P2RX7: variants seen among roughly 807,000 people sequenced by gnomAD.
The protein encoded by P2RX7 is purinergic receptor P2X 7, also known as P2X purinoceptor 7.
A neutral mutation model predicts 71.6 loss-of-function variants in P2RX7; 62 were observed. The ratio of observed to expected loss-of-function variants is 0.87; its 90% CI spans 0.71 to 1.07. P2RX7 has a LOEUF of 1.07. Among genes scored for constraint, P2RX7 ranks in the 50% least tolerant of loss-of-function variants. The probability of loss-of-function intolerance (pLI) is 0.00; values close to 1 mark genes in which losing one functional copy is unlikely to be tolerated. For synonymous variants in P2RX7, 299 were observed against 283.3 expected (o/e 1.06, Z -0.56); for missense variants, 686 against 748.5 (o/e 0.92, Z 0.97).
intron 2 of P2RX7, chr12:121,155,312 A>G: frequency 1.5e-6 from 2 of 1,309,886 alleles, no homozygotes; most frequent in Non-Finnish European, 2.0e-6. Context: ...ACCAAAGAGC[A>G]CCAGCCCTTC....
In P2RX7 at chr12:121,149,964, T is replaced by C. The variant is rs975063615; in HGVS notation, c.126-4821T>C. ...GCGGCTTTGCCTTCTACAGAATGCA[T>C]AACATTATAGCCTCTTAGAGCAAAA... is the stretch of plus-strand genomic sequence containing the variant. On this transcript the variant is annotated intron_variant, in intron 1 of 12. Transcript: ENST00000328963. The surrounding 1 kb of genome is among the most constrained non-coding windows in gnomAD (Gnocchi z 4.7). 3.9e-5 allele frequency among the ~76,000 whole-genome samples: 6 copies of C among 152,160 alleles called. No homozygotes were observed. Among genetic ancestry groups the C allele is most frequent in the African/African-American group, 7.2e-5 (3 of 41,448 alleles).
chr12:121,162,195 C>A (rs1879863167), intron 4 of P2RX7: 1 of 1,302,812 alleles, frequency 7.7e-7, no homozygotes. Flanking sequence ...CCAGCAGAAT[C>A]CACAGTCTTT....
rs1883321330 is a variant in P2RX7 at position 121,177,327 on chromosome 12, A to G, written c.1069A>G (p.Thr357Ala). The G allele has an allele frequency of 6.2e-7, 1 of 1,614,072 alleles. No individual in the cohort carries two copies. Among genetic ancestry groups the G allele is most frequent in the East Asian group, 2.2e-5 (1 of 44,878 alleles). ...TGTGTTCATCGACTTCCTCATCGAC[A>G]CTTACTCCAGTAACTGCTGTCGCTC... ...AAVFIDFLID[T>A]YSSNCCRSHI... Residue 357 changes from threonine (T) to alanine (A), a missense_variant, in exon 11 of 13, where the codon ACT becomes GCT. Thr to Ala is a moderately conservative substitution (Grantham distance 58). Coordinates refer to ENST00000328963, the MANE Select transcript of P2RX7 (RefSeq NM_002562.6).
At chr12:121,146,907 C>A (rs1305217374) in intron 1 of P2RX7, among the ~76,000 whole-genome samples, 1 of 152,078 alleles carries the variant, frequency 6.6e-6, no homozygotes, top group African/African-American at 2.4e-5. Context: ...CTAGCCAGAG[C>A]AATTAGGCAA....
At chr12:121,169,324 T>C (rs573458815) in intron 8 of P2RX7, among the ~76,000 whole-genome samples, 125 of 152,264 alleles carry the variant, frequency 8.2e-4, no homozygotes, top group Non-Finnish European at 1.5e-3. Context: ...TCTATTATTG[T>C]TCCAGTGAGT....
rs1367008195 is a variant in P2RX7, at chr12:121,161,118, G to A, written c.436+144G>A. The stretch of plus-strand genomic sequence containing the variant: ...CCAAGCCATAGGCGAGTCTGCCCAT[G>A]CTTCGGCTCTGTCCCCAGCAGACCA... On this transcript the variant is annotated intron_variant, in intron 4 of 12. Coordinates refer to ENST00000328963, the MANE Select transcript of P2RX7 (RefSeq NM_002562.6). 4.7e-5 allele frequency: 34 copies of A among 725,286 alleles called. No homozygotes were observed. In the East Asian group the frequency reaches 8.2e-4, roughly 18 times the overall value. 44.9% of individuals were successfully genotyped at this position (725,286 alleles called of 1,614,324 possible). A position where few individuals can be genotyped will look rare whatever the true frequency, so the allele number is the denominator to read the frequency against.
At chr12:121,145,186 G>A (rs1875868885) in intron 1 of P2RX7, among the ~76,000 whole-genome samples, 1 of 152,174 alleles carries the variant, frequency 6.6e-6, no homozygotes, top group African/African-American at 2.4e-5. Context: ...AGGCGTGGGA[G>A]CGCAGAAGTC....
At chr12:121,170,436 A>T (rs1881948992) in intron 8 of P2RX7, among the ~76,000 whole-genome samples, 1 of 152,184 alleles carries the variant, frequency 6.6e-6, no homozygotes, top group Admixed American at 6.5e-5. Context: ...GTGGTAGAGC[A>T]TTTGTTGTCT....
intron 1 of P2RX7, among the ~76,000 whole-genome samples, chr12:121,138,632 A>C (rs1039844682): frequency 6.6e-6 from 1 of 152,280 alleles, no homozygotes; most frequent in Admixed American, 6.5e-5. Flanking sequence ...GGGTAGGCAG[A>C]CAAAAATCGG....
intron 1 of P2RX7, among the ~76,000 whole-genome samples, chr12:121,144,002 CCCAGT>C (rs1338237096): frequency 6.6e-6 from 1 of 152,136 alleles, no homozygotes; most frequent in Non-Finnish European, 1.5e-5. Flanking sequence ...ATTTCATCAG[CCCAGT>C]AAGAGCCCTC....
chr12:121,133,187 C>A, intron 1 of P2RX7, 92 bp downstream of exon 1: 1 of 1,448,994 alleles, frequency 6.9e-7, no homozygotes, highest in Non-Finnish European at 9.6e-7. Context: ...TTCTGAATCT[C>A]ACATGGTTTT....
At chr12:121,182,668 G>C (rs969718040) in intron 12 of P2RX7, among the ~76,000 whole-genome samples, 1 of 152,212 alleles carries the variant, frequency 6.6e-6, no homozygotes, top group African/African-American at 2.4e-5. Flanking sequence ...AGGACTGAAA[G>C]TTGCTCTGGG....
At chr12:121,161,691 C>A (rs1031285617) in intron 4 of P2RX7, among the ~76,000 whole-genome samples, 9 of 150,082 alleles carry the variant, frequency 6.0e-5, no homozygotes, top group African/African-American at 2.0e-4. Flanking sequence ...ACTTGGGAGG[C>A]TGAGACGTGA....
At position 121,152,622 on chromosome 12, in the gene P2RX7, C is replaced by T. The variant is rs562550523; in HGVS notation, c.126-2163C>T. On this transcript the variant is annotated intron_variant, in intron 1 of 12. Coordinates refer to ENST00000328963, the MANE Select transcript of P2RX7 (RefSeq NM_002562.6). ...ACAACCTCCATCTCCCAGGTTCAAGCGATTCTCCTGCCTCAGCCTCCCGAA... is the reference window on the plus strand; with the variant it reads ...ACAACCTCCATCTCCCAGGTTCAAGTGATTCTCCTGCCTCAGCCTCCCGAA... Among the ~76,000 whole-genome samples, 8 of 152,212 alleles carry T rather than the reference C, an allele frequency of 5.3e-5. No homozygotes were observed. The South Asian group carries it at 1.0e-3, about 20-fold the overall frequency.
chr12:121,163,355 CA>C (rs1880204421), intron 5 of P2RX7, among the ~76,000 whole-genome samples: 4 of 115,126 alleles, frequency 3.5e-5, no homozygotes, highest in Non-Finnish European at 5.4e-5. Context: ...CACACACACA[CA>C]CGCACACACA....
intron 1 of P2RX7, among the ~76,000 whole-genome samples, chr12:121,152,576 G>A (rs965057264): frequency 6.6e-6 from 1 of 152,152 alleles, no homozygotes; most frequent in East Asian, 1.9e-4. Context: ...CTGGAGTGCA[G>A]TGGCGCGATC....
chr12:121,173,258 T>C (rs2136124817), intron 8 of P2RX7, among the ~76,000 whole-genome samples: 1 of 152,250 alleles, frequency 6.6e-6, no homozygotes, highest in South Asian at 2.1e-4. Flanking sequence ...TGATATCGGC[T>C]CACTGCAACC....
At chr12:121,145,510 C>CTT (rs200165825) in intron 1 of P2RX7, among the ~76,000 whole-genome samples, 26 of 141,970 alleles carry the variant, frequency 1.8e-4, no homozygotes, top group South Asian at 1.3e-3. Context: ...TTCTTTCTTT[C>CTT]TTTTTTTTTT....
At chr12:121,155,251 G>T (rs1175113358) in intron 2 of P2RX7, 1 of 1,355,378 alleles carries the variant, frequency 7.4e-7, no homozygotes, top group Non-Finnish European at 9.7e-7. Context: ...TAGACGCACA[G>T]CCACCAAGCC....
Sources: allele counts gnomAD v4.1 joint callset (sites outside exome capture counted in the v4.1 genomes callset), GRCh38; gene constraint gnomAD v4.1.1; non-coding constraint Gnocchi (gnomAD v3.1); transcripts MANE v1.5; gene names NCBI Gene and HGNC (gene_info 2026-07-23, HGNC 2026-07-21).